Variants in GLYCTK observed in about 807,000 individuals in gnomAD.
GLYCTK encodes glycerate kinase, also known as HBeAg binding protein 4.
In GLYCTK, 22 loss-of-function variants were observed where a neutral mutation model predicts 24.8. The ratio of observed to expected loss-of-function variants is 0.89; its 90% CI spans 0.63 to 1.27. The LOEUF (loss-of-function observed/expected upper bound fraction) is 1.27. Among genes scored for constraint, GLYCTK ranks in the 50% most tolerant of loss-of-function variants. GLYCTK has a pLI of 0.00. For synonymous variants in GLYCTK, 320 were observed against 297.2 expected (o/e 1.08, Z -0.79); for missense variants, 684 against 686.7 (o/e 1.00, Z 0.04).
At chr3:52,288,716 C>G (rs1005167807) in intron 1 of GLYCTK, 1 of 152,148 alleles carries the variant, frequency 6.6e-6, no homozygotes, top group African/African-American at 2.4e-5. Context: ...CTTCTAGGCT[C>G]TTGTCCATCT....
At chr3:52,290,855 C>T in intron 2 of GLYCTK, 105 bp from the exon 3 acceptor site, 3 of 1,583,992 alleles carry the variant, frequency 1.9e-6, no homozygotes, top group Non-Finnish European at 1.7e-6. Context: ...GGATGCATGT[C>T]AGTGGGCATC....
At chr3:52,291,686 G>A in intron 3 of GLYCTK, 61 bp from the exon 4 acceptor site, 1 of 1,539,204 alleles carries the variant, frequency 6.5e-7, no homozygotes, top group Non-Finnish European at 9.0e-7. Context: ...TGTCACCCCT[G>A]CTTGCCTGGT....
rs1002819752 is a variant in GLYCTK, at chr3:52,294,795, G to A, written c.*1669G>A. 2 of 453,932 alleles carry A rather than the reference G, an allele frequency of 4.4e-6. No homozygotes were observed. Among genetic ancestry groups the A allele is most frequent in the Non-Finnish European group, 8.8e-6 (2 of 226,650 alleles). 28.1% of individuals were successfully genotyped at this position (453,932 alleles called of 1,614,324 possible). A position where few individuals can be genotyped will look rare whatever the true frequency, so the allele number is the denominator to read the frequency against. ...TTCCAGGCAAAAGCAGGATAGGAGAGCTGGGGCAGGGGCTGCAGGAGCTGA... is the reference window on the plus strand; with the variant it reads ...TTCCAGGCAAAAGCAGGATAGGAGAACTGGGGCAGGGGCTGCAGGAGCTGA... On this transcript the variant is annotated 3_prime_UTR_variant, in exon 5 of 5. Coordinates refer to ENST00000436784, the MANE Select transcript of GLYCTK (RefSeq NM_145262.4).
At position 52,293,052 on chromosome 3, in the gene GLYCTK, G is replaced by A; in HGVS notation, c.1498G>A (p.Ala500Thr). 6.2e-7 allele frequency: 1 copy of A among 1,614,060 alleles called. No individual in the cohort carries two copies. The highest frequency in any genetic ancestry group is 8.5e-7 in the Non-Finnish European group (1 of 1,180,018). ...HTFFCCLQGG[A>T]HLLHTGMTGT... ...CTTCTTCTGCTGCCTCCAGGGTGGGGCACACCTGCTGCACACAGGGATGAC... is the reference window on the plus strand; with the variant it reads ...CTTCTTCTGCTGCCTCCAGGGTGGGACACACCTGCTGCACACAGGGATGAC... Residue 500 changes from alanine (A) to threonine (T), a missense_variant, in exon 5 of 5, where the codon GCA (alanine) becomes ACA (threonine). Physicochemically the swap from Ala to Thr is moderately conservative, Grantham distance 58. Coordinates refer to ENST00000436784, the MANE Select transcript of GLYCTK (RefSeq NM_145262.4).
In GLYCTK at chr3:52,292,829, A is replaced by G; in HGVS notation, c.1275A>G (p.Glu425=). 6.2e-7 allele frequency: 1 copy of G among 1,613,430 alleles called. No individual in the cohort carries two copies. Among genetic ancestry groups the G allele is most frequent in the Non-Finnish European group, 8.5e-7 (1 of 1,179,846 alleles). Residue 425 remains glutamate, a synonymous_variant, in exon 5 of 5, where the codon GAA becomes GAG. Coordinates refer to ENST00000436784, the MANE Select transcript of GLYCTK (RefSeq NM_145262.4). ...QGSGRGGRNQ[E]LALRVGAELR... is the part of the protein sequence containing the mutation. ...CGGGCAGGGGTGGCCGGAACCAGGA[A>G]CTGGCCCTGCGTGTTGGAGCAGAGT...
In GLYCTK at chr3:52,293,842, G is replaced by A; in HGVS notation, c.*716G>A. ...GCCTCGTTGGATGGATGTCCTTTCT[G>A]TCTTTGGACAGCCCTTAGCCACATA... On this transcript the variant is annotated 3_prime_UTR_variant, in exon 5 of 5. Transcript: ENST00000436784. The A allele has an allele frequency of 2.2e-6, 1 of 454,098 alleles. No homozygotes were observed. Among genetic ancestry groups the A allele is most frequent in the Non-Finnish European group, 4.4e-6 (1 of 226,754 alleles). The allele number at this position is 454,098 out of a possible 1,614,324, so 28.1% of individuals were successfully genotyped here. A position where few individuals can be genotyped will look rare whatever the true frequency, so the allele number is the denominator to read the frequency against.
intron 1 of GLYCTK, 174 bp downstream of exon 1, chr3:52,288,050 T>C: frequency 4.0e-6 from 1 of 248,832 alleles, no homozygotes; most frequent in East Asian, 1.3e-4. Context: ...CCCCCTACTG[T>C]CTAGGGAAAG....
At position 52,292,582 on chromosome 3, in the gene GLYCTK, G is replaced by A; in HGVS notation, c.1028G>A (p.Ser343Asn). 1 of 1,614,014 alleles carries A rather than the reference G, an allele frequency of 6.2e-7. No individual in the cohort carries two copies. Among genetic ancestry groups the A allele is most frequent in the Non-Finnish European group, 8.5e-7 (1 of 1,180,016 alleles). ...LSAAMQGDVK[S>N]MAQFYGLLAH... ...GCAGCCATGCAAGGTGATGTAAAAA[G>A]TATGGCCCAGTTCTACGGGCTGCTG... Residue 343 changes from serine (S) to asparagine (N), a missense_variant, in exon 5 of 5, where the codon AGT (serine) becomes AAT (asparagine). Physicochemically the swap from Ser to Asn is conservative, Grantham distance 46 (BLOSUM62 1). Transcript: ENST00000436784.
In GLYCTK at chr3:52,294,473, C is replaced by A. The variant is rs973083581; in HGVS notation, c.*1347C>A. On this transcript the variant is annotated 3_prime_UTR_variant, in exon 5 of 5. Coordinates refer to ENST00000436784, the MANE Select transcript of GLYCTK (RefSeq NM_145262.4). ...TTGCAGACAGTTCATGACCTGGGGG[C>A]CTGGCTCACACAGGGCAGGCTGGAG... 4 of 407,208 alleles carry A rather than the reference C, an allele frequency of 9.8e-6. No individual in the cohort carries two copies. Among genetic ancestry groups the A allele is most frequent in the African/African-American group, 6.2e-5 (3 of 48,332 alleles). 25.2% of individuals were successfully genotyped at this position (407,208 alleles called of 1,614,324 possible). A position where few individuals can be genotyped will look rare whatever the true frequency, so the allele number is the denominator to read the frequency against.
intron 1 of GLYCTK, chr3:52,290,078 T>G: frequency 9.3e-6 from 5 of 535,876 alleles, no homozygotes; most frequent in East Asian, 3.1e-5. Flanking sequence ...AGGGCCGGCA[T>G]GTGGTCTGCA....
intron 1 of GLYCTK, chr3:52,288,741 A>G (rs184944243): frequency 1.9e-4 from 29 of 152,186 alleles, no homozygotes; most frequent in African/African-American, 6.5e-4. Flanking sequence ...AATAGATACA[A>G]ATTTCATCCA....
chr3:52,291,779 C>G lies in GLYCTK; in HGVS notation c.562C>G (p.Pro188Ala). The change falls in exon 4 of 5, where the codon CCA becomes GCA. Residue 188 changes from proline (P) to alanine (A), a missense_variant. Pro to Ala is a conservative substitution (Grantham distance 27). Coordinates refer to ENST00000436784, the MANE Select transcript of GLYCTK (RefSeq NM_145262.4). ...GGSALLPAPIPPVTLEEKQTL... is the reference protein window; with the variant it reads ...GGSALLPAPIAPVTLEEKQTL... ...TTCAGCTCTGCTGCCTGCCCCCATC[C>G]CACCTGTCACACTGGAGGAGAAGCA... is the stretch of plus-strand genomic sequence containing the variant. 1 of 1,613,758 alleles carries G rather than the reference C, an allele frequency of 6.2e-7. No homozygotes were observed. The highest frequency in any genetic ancestry group is 8.5e-7 in the Non-Finnish European group (1 of 1,180,006).
In GLYCTK at chr3:52,292,408, A is replaced by C. The variant is rs1700505570; in HGVS notation, c.854A>C (p.Lys285Thr). ...CGTGCAGCCCTGCCACGTTCTGTGA[A>C]GACTGTGCTGTCTCGGGCCGACTCT... ...GLRAALPRSV[K>T]TVLSRADSDP... is the part of the protein sequence containing the mutation. Residue 285 changes from lysine (K) to threonine (T), a missense_variant, in exon 5 of 5, where the codon AAG becomes ACG. Physicochemically the swap from Lys to Thr is moderately conservative, Grantham distance 78. Coordinates refer to ENST00000436784, the MANE Select transcript of GLYCTK (RefSeq NM_145262.4). The C allele has an allele frequency of 6.2e-7, 1 of 1,613,706 alleles. No individual in the cohort carries two copies. Among genetic ancestry groups the C allele is most frequent in the Non-Finnish European group, 8.5e-7 (1 of 1,179,986 alleles).
Position 52,291,566 on chromosome 3 carries a change from A to G in GLYCTK, c.530-181A>G, listed in dbSNP as rs1700470534. ...GCCTACTGGGACCTGGGGTACCCCA[A>G]GGCAGGGGCAACCTCAGGTGGCCAG... On this transcript the variant is annotated intron_variant, in intron 3 of 4. Transcript: ENST00000436784. The G allele has an allele frequency of 4.8e-6, 3 of 622,098 alleles. No individual in the cohort carries two copies. In the African/African-American group the frequency reaches 5.5e-5, roughly 11 times the overall value. 38.5% of individuals were successfully genotyped at this position (622,098 alleles called of 1,614,324 possible).
At chr3:52,290,749 T>C (rs766068475) in intron 2 of GLYCTK, 30 bp downstream of exon 2, 4 of 1,604,564 alleles carry the variant, frequency 2.5e-6, no homozygotes, top group Non-Finnish European at 3.4e-6. Flanking sequence ...TGCCTCCCTC[T>C]ATCTATCTGG....
In GLYCTK at chr3:52,294,884, G is replaced by C. The variant is rs777136373; in HGVS notation, c.*1758G>C. 2 of 454,098 alleles carry C rather than the reference G, an allele frequency of 4.4e-6. No homozygotes were observed. The highest frequency in any genetic ancestry group is 3.1e-5 in the South Asian group (2 of 64,478). 28.1% of individuals were successfully genotyped at this position (454,098 alleles called of 1,614,324 possible). On this transcript the variant is annotated 3_prime_UTR_variant, in exon 5 of 5. Coordinates refer to ENST00000436784, the MANE Select transcript of GLYCTK (RefSeq NM_145262.4). ...TAGGTGTGTGAGTATACAGACGTTG[G>C]TGTTGGCGTACTCAGAGTGGGAATG...
intron 1 of GLYCTK, chr3:52,289,978 CCTCT>C (rs1700408010): frequency 6.6e-6 from 2 of 304,038 alleles, no homozygotes; most frequent in Admixed American, 4.7e-5. Flanking sequence ...GAAATTACTC[CCTCT>C]GTCAATGATT....
chr3:52,293,855 C>T lies in GLYCTK; in HGVS notation c.*729C>T. ...GATGTCCTTTCTGTCTTTGGACAGC[C>T]CTTAGCCACATACTGCACTTCTGGT... On this transcript the variant is annotated 3_prime_UTR_variant, in exon 5 of 5. Coordinates refer to ENST00000436784, the MANE Select transcript of GLYCTK (RefSeq NM_145262.4). 2.2e-6 allele frequency: 1 copy of T among 454,118 alleles called. No individual in the cohort carries two copies. The highest frequency in any genetic ancestry group is 2.0e-5 in the African/African-American group (1 of 50,116). The allele number at this position is 454,118 out of a possible 1,614,324, so 28.1% of individuals were successfully genotyped here.
chr3:52,290,336 G>A lies in GLYCTK; in HGVS notation c.-7G>A, dbSNP rs1387814791. 3 of 1,595,764 alleles carry A rather than the reference G, an allele frequency of 1.9e-6. No individual in the cohort carries two copies. Among genetic ancestry groups the A allele is most frequent in the African/African-American group, 2.7e-5 (2 of 74,848 alleles). ...TGGGTGCCAGGCAGTGCTGAGAGCAGTGGGGCATGGCTGCAGCCCTGCAGG... is the reference window on the plus strand; with the variant it reads ...TGGGTGCCAGGCAGTGCTGAGAGCAATGGGGCATGGCTGCAGCCCTGCAGG... On this transcript the variant is annotated 5_prime_UTR_variant, in exon 2 of 5. The change creates a new upstream start codon in the 5' untranslated region. Transcript: ENST00000436784.
Sources: allele counts gnomAD v4.1 joint callset, GRCh38; gene constraint gnomAD v4.1.1; transcripts MANE v1.5; gene names NCBI Gene and HGNC (gene_info 2026-07-23, HGNC 2026-07-21).